VAMP7: variants seen among roughly 807,000 people sequenced by gnomAD.
The protein encoded by VAMP7 is vesicle associated membrane protein 7.
Under a neutral mutation model 29.6 loss-of-function variants are expected in VAMP7, and 14 were observed. The ratio of observed to expected loss-of-function variants is 0.47; its 90% CI spans 0.31 to 0.74. The LOEUF (loss-of-function observed/expected upper bound fraction) is 0.74, where lower values mean the gene tolerates loss of function less well. Among genes scored for constraint, VAMP7 ranks in the 30% least tolerant of loss-of-function variants. The pLI, the probability that VAMP7 is intolerant of heterozygous loss-of-function variation, is 0.05. For missense variants in VAMP7, 223 were observed against 262.4 expected, an observed-to-expected ratio of 0.85 and a Z score of 1.04; for synonymous variants, 95 against 88.1, an observed-to-expected ratio of 1.08 and a Z score of -0.44.
chrX:155,885,910 T>A (rs2065859536), intron 1 of VAMP7, among the ~76,000 whole-genome samples: 1 of 152,160 alleles, frequency 6.6e-6, no homozygotes, highest in East Asian at 1.9e-4. Context: ...TCTGTTGTTT[T>A]AAGCAACCAA....
chrX:155,891,212 C>A (rs1318802689), intron 2 of VAMP7, among the ~76,000 whole-genome samples: 2 of 152,200 alleles, frequency 1.3e-5, no homozygotes, highest in Non-Finnish European at 2.9e-5. Context: ...TAGTCGTAGG[C>A]TCAACTAAAA....
Position 155,942,640 on chromosome X carries a change from A to G in VAMP7, c.*689A>G, listed in dbSNP as rs2066763775. ...ATAGCTTGATATCTTCTGTTTTCCC[A>G]TTGCAGTTGATTTGAGAAGATGAAG... On this transcript the variant is annotated 3_prime_UTR_variant, in exon 8 of 8. Coordinates refer to ENST00000286448, the MANE Select transcript of VAMP7 (RefSeq NM_005638.6). The G allele has an allele frequency of 6.4e-6, 1 of 155,128 alleles. No individual in the cohort carries two copies. The highest frequency in any genetic ancestry group is 2.4e-5 in the African/African-American group (1 of 41,464). The allele number at this position is 155,128 out of a possible 1,614,324, so 9.6% of individuals were successfully genotyped here. A position where few individuals can be genotyped will look rare whatever the true frequency, so the allele number is the denominator to read the frequency against.
chrX:155,910,230 T>C (rs952629967), intron 5 of VAMP7, among the ~76,000 whole-genome samples: 3 of 152,222 alleles, frequency 2.0e-5, no homozygotes, highest in Admixed American at 2.0e-4. Context: ...GCCTGCCTTA[T>C]ATCACTTAAC....
intron 6 of VAMP7, among the ~76,000 whole-genome samples, chrX:155,932,209 A>G (rs775767326): frequency 4.1e-4 from 62 of 152,272 alleles, no homozygotes; most frequent in African/African-American, 1.5e-3. Flanking sequence ...TTGGCTCCAC[A>G]TGAACTTTAA....
chrX:155,943,683 G>A lies in VAMP7; in HGVS notation c.*1732G>A, dbSNP rs1274676516. 6.6e-6 allele frequency: 1 copy of A among 152,104 alleles called. No individual in the cohort carries two copies. The highest frequency in any genetic ancestry group is 1.5e-5 in the Non-Finnish European group (1 of 68,014). The allele number at this position is 152,104 out of a possible 1,614,324, so 9.4% of individuals were successfully genotyped here. A position where few individuals can be genotyped will look rare whatever the true frequency, so the allele number is the denominator to read the frequency against. On this transcript the variant is annotated 3_prime_UTR_variant, in exon 8 of 8. Coordinates refer to ENST00000286448, the MANE Select transcript of VAMP7 (RefSeq NM_005638.6). ...CCTAACTGTTCCTTGGTCTATTTAT[G>A]TATAAGAATGCTTTTTAAAGCACAT...
intron 2 of VAMP7, among the ~76,000 whole-genome samples, chrX:155,894,314 T>TG (rs2065960434): frequency 6.8e-6 from 1 of 147,888 alleles, no homozygotes; most frequent in Non-Finnish European, 1.5e-5. Context: ...TTTTTTTTTT[T>TG]TTTTTTTTTA....
intron 1 of VAMP7, among the ~76,000 whole-genome samples, chrX:155,888,623 A>T (rs2124229036): frequency 6.6e-6 from 1 of 152,336 alleles, no homozygotes; most frequent in East Asian, 1.9e-4. Flanking sequence ...GGCAGACATA[A>T]GGAAAATAAT....
intron 6 of VAMP7, among the ~76,000 whole-genome samples, chrX:155,931,150 G>C (rs957892398): frequency 6.6e-6 from 1 of 152,098 alleles, no homozygotes; most frequent in Non-Finnish European, 1.5e-5. Context: ...TTGCTATTGT[G>C]AATAGTGCCA....
intron 6 of VAMP7, among the ~76,000 whole-genome samples, chrX:155,933,583 A>G (rs759259509): frequency 4.0e-5 from 6 of 151,700 alleles, no homozygotes; most frequent in African/African-American, 9.7e-5. Context: ...CGTCTATTTG[A>G]TTCTTCTCTC....
chrX:155,942,014 G>A lies in VAMP7; in HGVS notation c.*63G>A. On this transcript the variant is annotated 3_prime_UTR_variant, in exon 8 of 8. Coordinates refer to ENST00000286448, the MANE Select transcript of VAMP7 (RefSeq NM_005638.6). ...ACAAGGAGTTAAAAGCAATCCATGT[G>A]ACTCAAGCCTTTCACATACTGACAG... The A allele has an allele frequency of 6.2e-7, 1 of 1,612,956 alleles. No individual in the cohort carries two copies. Among genetic ancestry groups the A allele is most frequent in the South Asian group, 1.1e-5 (1 of 90,926 alleles).
At chrX:155,896,754 C>A (rs764090063) in intron 3 of VAMP7, among the ~76,000 whole-genome samples, 1 of 152,244 alleles carries the variant, frequency 6.6e-6, no homozygotes, top group African/African-American at 2.4e-5. Context: ...ATGCTCATTT[C>A]TAAACTGCCT....
In VAMP7 at chrX:155,923,440, A is replaced by C. The variant is rs145570101; in HGVS notation, c.501+3560A>C. Among the ~76,000 whole-genome samples the C allele has an allele frequency of 6.5e-3, 987 of 151,270 alleles. 4 individuals are homozygous for C. The highest frequency in any genetic ancestry group is 0.014 in the Middle Eastern group (4 of 294). ...TATTTCACTTCCTTTTTTTTTTTGA[A>C]AGACATTTTCACTGAGTATAGAATT... On this transcript the variant is annotated intron_variant, in intron 6 of 7. Transcript: ENST00000286448.
intron 6 of VAMP7, among the ~76,000 whole-genome samples, chrX:155,924,139 C>T (rs1218622288): frequency 6.6e-6 from 1 of 152,020 alleles, no homozygotes; most frequent in African/African-American, 2.4e-5. Context: ...TTTGATTACT[C>T]AAGTACTTTT....
chrX:155,886,090 T>C (rs193196902), intron 1 of VAMP7, among the ~76,000 whole-genome samples: 9 of 152,246 alleles, frequency 5.9e-5, no homozygotes, highest in Admixed American at 4.6e-4. Flanking sequence ...CTTTTTTTCT[T>C]CCCTTCTCTC....
At chrX:155,919,670 G>A (rs927861709) in intron 5 of VAMP7, 143 bp from the exon 6 acceptor site, 11 of 694,784 alleles carry the variant, frequency 1.6e-5, no homozygotes, top group South Asian at 3.6e-5. Flanking sequence ...CCTTGTTTTC[G>A]AGTGGTGTCA....
intron 5 of VAMP7, among the ~76,000 whole-genome samples, chrX:155,901,613 A>G (rs951584691): frequency 1.3e-5 from 2 of 152,120 alleles, no homozygotes; most frequent in Non-Finnish European, 2.9e-5. Context: ...TCCCAGCACC[A>G]TTTATTAAAT....
chrX:155,930,425 T>G (rs1333778741), intron 6 of VAMP7, among the ~76,000 whole-genome samples: 10 of 150,750 alleles, frequency 6.6e-5, no homozygotes, highest in South Asian at 4.2e-4. Context: ...GAAAGATCTC[T>G]AAAATCCAGA....
At chrX:155,934,394 T>C (rs925393139) in intron 6 of VAMP7, among the ~76,000 whole-genome samples, 1 of 152,242 alleles carries the variant, frequency 6.6e-6, no homozygotes, top group African/African-American at 2.4e-5. Context: ...CTGTATTGGG[T>C]GCATAAATAT....
chrX:155,906,447 A>G (rs777833431), intron 5 of VAMP7, among the ~76,000 whole-genome samples: 98 of 152,236 alleles, frequency 6.4e-4, no homozygotes, highest in African/African-American at 2.3e-3. Flanking sequence ...CTCCATTGTG[A>G]TAGCCTTGAC....
Sources: gnomAD v4.1 joint callset for allele counts (sites outside exome capture counted in the v4.1 genomes callset) on GRCh38, gnomAD v4.1.1 for gene constraint, MANE v1.5 for transcripts, NCBI Gene and HGNC (gene_info 2026-07-23, HGNC 2026-07-21) for gene names.